Variants in CFLAR observed in about 807,000 individuals in gnomAD.
The protein encoded by CFLAR is CASP8 and FADD like apoptosis regulator.
A neutral mutation model predicts 51.1 loss-of-function variants in CFLAR; 14 were observed. That is an observed-to-expected ratio of 0.27 (90% CI 0.18 to 0.43). The LOEUF is 0.43. Among genes scored for constraint, CFLAR ranks in the 20% least tolerant of loss-of-function variants. The pLI is 1.00. For missense variants in CFLAR, 390 were observed against 566.5 expected, an observed-to-expected ratio of 0.69 and a Z score of 3.16; for synonymous variants, 210 against 211.6, an observed-to-expected ratio of 0.99 and a Z score of 0.06.
intron 1 of CFLAR, among the ~76,000 whole-genome samples, chr2:201,123,273 TTGAGAGTCA>T (rs2048361359): frequency 6.6e-6 from 1 of 152,264 alleles, no homozygotes; most frequent in East Asian, 1.9e-4. Context: ...GGGAGCTTCC[TTGAGAGTCA>T]TGAAAAGTCT....
At position 201,138,819 on chromosome 2, in the gene CFLAR, A is replaced by G; in HGVS notation, c.524-1538A>G. The G allele has an allele frequency of 1.3e-6, 1 of 750,482 alleles. No individual in the cohort carries two copies. The highest frequency in any genetic ancestry group is 2.5e-6 in the Non-Finnish European group (1 of 407,062). The allele number at this position is 750,482 out of a possible 1,614,324, so 46.5% of individuals were successfully genotyped here. A position where few individuals can be genotyped will look rare whatever the true frequency, so the allele number is the denominator to read the frequency against. Reference sequence around the variant, plus strand: ...AGTACCTCCCATCAGAGCCATCACGATGGCCAGGTCGGCCTCTGTCACAGT... The same window carrying G: ...AGTACCTCCCATCAGAGCCATCACGGTGGCCAGGTCGGCCTCTGTCACAGT... On this transcript the variant is annotated intron_variant, in intron 4 of 9. Transcript: ENST00000309955. This position sits in a 1 kb window ranked among gnomAD's most constrained non-coding sequence, Gnocchi z 4.0.
rs1403287058 is a variant in CFLAR, at chr2:201,176,287, GGGGC to G, written c.*12322_*12325del. The stretch of plus-strand genomic sequence containing the variant: ...CAGGTGTTTTCTATTGCGGGGGGGG[GGGGC>G]GGGCGGGGGAGCTGCCTGTCCCTGG... On this transcript the variant is annotated 3_prime_UTR_variant, in exon 10 of 10. Transcript: ENST00000309955. 134 of 120,644 alleles carry G rather than the reference GGGGC, an allele frequency of 1.1e-3. No individual in the cohort carries two copies. Among genetic ancestry groups the G allele is most frequent in the African/African-American group, 4.4e-3 (126 of 28,476 alleles). The allele number at this position is 120,644 out of a possible 1,614,324, so 7.5% of individuals were successfully genotyped here.
chr2:201,123,809 C>G (rs1358723500), intron 1 of CFLAR, among the ~76,000 whole-genome samples: 4 of 152,192 alleles, frequency 2.6e-5, no homozygotes, highest in Non-Finnish European at 4.4e-5. Flanking sequence ...CACAAAACTT[C>G]TGTGAGATGG....
chr2:201,136,778 G>C (rs1206711343), intron 4 of CFLAR: 5 of 359,566 alleles, frequency 1.4e-5, no homozygotes, highest in Non-Finnish European at 2.6e-5. Flanking sequence ...AAAAACAGAA[G>C]AGCATTTATA....
At chr2:201,156,730 C>G (rs1335758474) in intron 8 of CFLAR, among the ~76,000 whole-genome samples, 2 of 151,960 alleles carry the variant, frequency 1.3e-5, no homozygotes, top group African/African-American at 2.4e-5. Context: ...TCCCCACCCC[C>G]CCACATCATT....
In CFLAR at chr2:201,124,577, C is replaced by T. The variant is rs1010176563; in HGVS notation, c.-137-5152C>T. On this transcript the variant is annotated intron_variant, in intron 1 of 9. Coordinates refer to ENST00000309955, the MANE Select transcript of CFLAR (RefSeq NM_003879.7). The surrounding 1 kb of genome is among the most constrained non-coding windows in gnomAD (Gnocchi z 4.7). ...CTTGAACTCCTTGCCTCAAGTGATC[C>T]GCCCGCCTTGGCCTCCCAAAGTGCT... Among the ~76,000 whole-genome samples, 13 of 152,266 alleles carry T rather than the reference C, an allele frequency of 8.5e-5. No homozygotes were observed. The highest frequency in any genetic ancestry group is 2.2e-4 in the African/African-American group (9 of 41,532).
chr2:201,157,591 G>T (rs1447644105), intron 8 of CFLAR, among the ~76,000 whole-genome samples: 1 of 152,000 alleles, frequency 6.6e-6, no homozygotes, highest in Non-Finnish European at 1.5e-5. Context: ...GCCCAGGGTG[G>T]TCTCAAACTC....
Position 201,138,004 on chromosome 2 carries a change from G to A in CFLAR, c.523+1897G>A. 1 of 738,202 alleles carries A rather than the reference G, an allele frequency of 1.4e-6. No homozygotes were observed. The allele number at this position is 738,202 out of a possible 1,614,324, so 45.7% of individuals were successfully genotyped here. On this transcript the variant is annotated intron_variant, in intron 4 of 9. Transcript: ENST00000309955. This position sits in a 1 kb window ranked among gnomAD's most constrained non-coding sequence, Gnocchi z 4.0. ...ATGGGCACACCAAAGTTCTGGGTAT[G>A]CTTGGCCACCTTGTACACAGCAGTG...
chr2:201,149,664 A>G, intron 7 of CFLAR, 90 bp from the exon 8 acceptor site: 1 of 973,124 alleles, frequency 1.0e-6, no homozygotes, highest in Non-Finnish European at 1.6e-6. Flanking sequence ...CTGCCAAAGG[A>G]AATCCAAAAG....
At chr2:201,127,936 A>AT (rs1255413599) in intron 1 of CFLAR, among the ~76,000 whole-genome samples, 1 of 152,120 alleles carries the variant, frequency 6.6e-6, no homozygotes, top group African/African-American at 2.4e-5. Flanking sequence ...TGATTATCTC[A>AT]TTTTGTTAAC....
intron 1 of CFLAR, among the ~76,000 whole-genome samples, chr2:201,120,931 A>T (rs1489591989): frequency 1.3e-5 from 2 of 152,228 alleles, no homozygotes; most frequent in African/African-American, 2.4e-5. Context: ...CAATAACCAC[A>T]ACTTTGAATC....
chr2:201,149,657 C>T, intron 7 of CFLAR, 97 bp from the exon 8 acceptor site: 1 of 891,378 alleles, frequency 1.1e-6, no homozygotes, highest in South Asian at 1.5e-5. Context: ...GACTCACCTG[C>T]CAAAGGAAAT....
chr2:201,158,660 G>A (rs1390719812), intron 8 of CFLAR, among the ~76,000 whole-genome samples: 1 of 152,088 alleles, frequency 6.6e-6, no homozygotes, highest in Admixed American at 6.6e-5. Context: ...AAACAAGCCT[G>A]CACCCTCAGA....
At chr2:201,153,589 CT>C (rs1941644114) in intron 8 of CFLAR, 1 of 152,182 alleles carries the variant, frequency 6.6e-6, no homozygotes, top group South Asian at 2.1e-4. Flanking sequence ...ACTTTGCCAT[CT>C]GGTTAACATT....
chr2:201,146,077 A>G (rs1358497300), intron 6 of CFLAR, among the ~76,000 whole-genome samples: 3 of 151,760 alleles, frequency 2.0e-5, no homozygotes, highest in Non-Finnish European at 4.4e-5. Flanking sequence ...AGTAATTCTC[A>G]TGCCTCAGCC....
chr2:201,145,345 C>G (rs1412427831), intron 5 of CFLAR, 33 bp from the exon 6 acceptor site: 1 of 1,342,926 alleles, frequency 7.4e-7, no homozygotes. Flanking sequence ...AAATAACTAA[C>G]AGGAAGTATG....
chr2:201,172,684 A>G lies in CFLAR; in HGVS notation c.*8711A>G, dbSNP rs913909669. 1 of 152,170 alleles carries G rather than the reference A, an allele frequency of 6.6e-6. No individual in the cohort carries two copies. Among genetic ancestry groups the G allele is most frequent in the East Asian group, 1.9e-4 (1 of 5,202 alleles). The allele number at this position is 152,170 out of a possible 1,614,324, so 9.4% of individuals were successfully genotyped here. ...TGGCCTTTCGTGTCTGACTTCCTTC[A>G]CTTAGCATGTTTCAAGGTTCATCTA... On this transcript the variant is annotated 3_prime_UTR_variant, in exon 10 of 10. Coordinates refer to ENST00000309955, the MANE Select transcript of CFLAR (RefSeq NM_003879.7).
rs1235180424 is a variant in CFLAR at position 201,171,193 on chromosome 2, G to A, written c.*7220G>A. The A allele has an allele frequency of 2.0e-5, 3 of 152,128 alleles. No individual in the cohort carries two copies. The highest frequency in any genetic ancestry group is 7.2e-5 in the African/African-American group (3 of 41,410). The allele number at this position is 152,128 out of a possible 1,614,324, so 9.4% of individuals were successfully genotyped here. A position where few individuals can be genotyped will look rare whatever the true frequency, so the allele number is the denominator to read the frequency against. ...TGAAGGATAAAAGAATACAAATTGG[G>A]TTCAGTGTATACTGCTCAGGTGATG... On this transcript the variant is annotated 3_prime_UTR_variant, in exon 10 of 10. Coordinates refer to ENST00000309955, the MANE Select transcript of CFLAR (RefSeq NM_003879.7).
At chr2:201,137,766 T>C (rs1488459363) in intron 4 of CFLAR, 3 of 997,540 alleles carry the variant, frequency 3.0e-6, no homozygotes, top group Non-Finnish European at 3.2e-6. Flanking sequence ...ATCCCCGTCG[T>C]TGAAGTATTG....
Sources: allele counts gnomAD v4.1 joint callset (sites outside exome capture counted in the v4.1 genomes callset), GRCh38; gene constraint gnomAD v4.1.1; non-coding constraint Gnocchi (gnomAD v3.1); transcripts MANE v1.5; gene names NCBI Gene and HGNC (gene_info 2026-07-23, HGNC 2026-07-21).